The following ZMYND11 variants were observed in gnomAD, a reference collection of about 807,000 sequenced individuals.
ZMYND11 encodes zinc finger MYND-type containing 11.
A neutral mutation model predicts 84.9 loss-of-function variants in ZMYND11; 9 were observed. The ratio of observed to expected loss-of-function variants is 0.11; its 90% CI spans 0.06 to 0.18. The LOEUF is 0.18. Among genes scored for constraint, ZMYND11 ranks in the 10% least tolerant of loss-of-function variants. ZMYND11 has a pLI of 1.00. For missense variants in ZMYND11, 409 were observed against 761.0 expected, an observed-to-expected ratio of 0.54 and a Z score of 5.44; for synonymous variants, 250 against 244.1, an observed-to-expected ratio of 1.02 and a Z score of -0.23.
Position 246,917 on chromosome 10 carries a change from G to A in ZMYND11, c.1102G>A (p.Glu368Lys). 2 of 1,613,038 alleles carry A rather than the reference G, an allele frequency of 1.2e-6. No homozygotes were observed. The highest frequency in any genetic ancestry group is 1.7e-6 in the Non-Finnish European group (2 of 1,179,618). The change falls in exon 11 of 15, where the codon GAG (glutamate) becomes AAG (lysine). Residue 368 changes from glutamate (E) to lysine (K), a missense_variant. Physicochemically the swap from Glu to Lys is moderately conservative, Grantham distance 56. Coordinates refer to ENST00000381604, the MANE Select transcript of ZMYND11 (RefSeq NM_001370100.5). ...AGGGAGATTTTGGAAATCTAAGAAT[G>A]AGGACCGAGGTGAGGAAGAGGCAGA... ...REGRFWKSKN[E>K]DRGEEEAESS... is the part of the protein sequence containing the mutation.
At chr10:148,087 C>G (rs1554755887) in intron 1 of ZMYND11, 3 of 152,386 alleles carry the variant, frequency 2.0e-5, no homozygotes, top group African/African-American at 7.2e-5. Context: ...CTCTTTATCC[C>G]TGGTGTTTAT....
intron 1 of ZMYND11, among the ~76,000 whole-genome samples, chr10:151,398 A>G (rs1243055962): frequency 2.0e-5 from 3 of 152,244 alleles, no homozygotes; most frequent in South Asian, 2.1e-4. Flanking sequence ...AAACCATCGC[A>G]TGAGAACTAC....
intron 2 of ZMYND11, among the ~76,000 whole-genome samples, chr10:183,531 A>G (rs908369915): frequency 3.3e-5 from 5 of 152,110 alleles, no homozygotes; most frequent in African/African-American, 1.2e-4. Context: ...CATCCAATCT[A>G]TCTTTCCTTT....
intron 8 of ZMYND11, among the ~76,000 whole-genome samples, 158 bp from the exon 9 acceptor site, chr10:240,735 C>G (rs188767474): frequency 2.0e-5 from 3 of 151,998 alleles, no homozygotes; most frequent in Admixed American, 2.0e-4. Context: ...TCTTCCAGTA[C>G]CATTTATTGA....
chr10:231,713 GC>G (rs1485365584), intron 4 of ZMYND11, among the ~76,000 whole-genome samples: 1 of 152,192 alleles, frequency 6.6e-6, no homozygotes, highest in Admixed American at 6.5e-5. Context: ...ATTCAGTGTA[GC>G]CTGGCAGTTA....
At chr10:240,736 C>T (rs2131765548) in intron 8 of ZMYND11, among the ~76,000 whole-genome samples, 157 bp from the exon 9 acceptor site, 1 of 152,230 alleles carries the variant, frequency 6.6e-6, no homozygotes, top group East Asian at 1.9e-4. Context: ...CTTCCAGTAC[C>T]ATTTATTGAA....
intron 3 of ZMYND11, among the ~76,000 whole-genome samples, chr10:220,064 T>C (rs1213663306): frequency 6.6e-6 from 1 of 152,172 alleles, no homozygotes; most frequent in Non-Finnish European, 1.5e-5. Context: ...TTGAACCTAG[T>C]TTCCAAAGAA....
intron 1 of ZMYND11, among the ~76,000 whole-genome samples, chr10:158,991 G>GTTTTTTTTTTTTTTTTT (rs71374342): frequency 3.4e-5 from 2 of 58,608 alleles, no homozygotes; most frequent in African/African-American, 1.1e-4. Flanking sequence ...TTTGTTTTTT[G>GTTTTTTTTTTTTTTTTT]TTTTTTTTTT....
upstream of ZMYND11, among the ~76,000 whole-genome samples, chr10:133,453 A>G (rs1554750466): frequency 1.3e-5 from 2 of 152,214 alleles, no homozygotes. Context: ...TAAGTTATCT[A>G]ACTTACATTA....
intron 1 of ZMYND11, among the ~76,000 whole-genome samples, chr10:163,708 T>C (rs1843405571): frequency 1.3e-5 from 2 of 152,142 alleles, no homozygotes; most frequent in Non-Finnish European, 2.9e-5. Flanking sequence ...TTGCCTGATG[T>C]GTCCTCTTTC....
upstream of ZMYND11, among the ~76,000 whole-genome samples, chr10:130,121 G>A (rs1835283784): frequency 6.6e-6 from 1 of 152,172 alleles, no homozygotes; most frequent in African/African-American, 2.4e-5. Flanking sequence ...GTGGCTGCTG[G>A]AACTGCAGTT....
At chr10:170,357 TAAA>T (rs1249563415) in intron 1 of ZMYND11, among the ~76,000 whole-genome samples, 1 of 151,918 alleles carries the variant, frequency 6.6e-6, no homozygotes, top group African/African-American at 2.4e-5. Flanking sequence ...AAATGTAAAA[TAAA>T]AATTTTTTCT....
At chr10:249,342 CAATTAACTTATAT>C (rs1266645907) in intron 14 of ZMYND11, 1 of 1,227,208 alleles carries the variant, frequency 8.1e-7, no homozygotes, top group African/African-American at 1.5e-5. Flanking sequence ...ATATTTATTA[CAATTAACTTATAT>C]AATTTCTCCA....
rs74905017 is a variant in ZMYND11, at chr10:154,299, G to A, written c.-20+18740G>A. On this transcript the variant is annotated intron_variant, in intron 1 of 14. Coordinates refer to ENST00000381604, the MANE Select transcript of ZMYND11 (RefSeq NM_001370100.5). ...CTCGTCTAATACATACACATGTATG[G>A]TGTTATAGTGTCTCTGTAAGGCACA... 8.8e-3 allele frequency among the ~76,000 whole-genome samples: 1,335 copies of A among 152,270 alleles called. 11 individuals are homozygous for A. The highest frequency in any genetic ancestry group is 0.014 in the Non-Finnish European group (970 of 68,030).
At chr10:209,178 A>G (rs1944727445) in intron 2 of ZMYND11, among the ~76,000 whole-genome samples, 1 of 152,160 alleles carries the variant, frequency 6.6e-6, no homozygotes, top group African/African-American at 2.4e-5. Flanking sequence ...GAATATTAAC[A>G]TGAGTTGAAT....
At chr10:212,145 C>CT (rs1564391001) in intron 3 of ZMYND11, among the ~76,000 whole-genome samples, 1 of 152,026 alleles carries the variant, frequency 6.6e-6, no homozygotes, top group Non-Finnish European at 1.5e-5. Context: ...TAGATTGGTA[C>CT]TTTCCTATAT....
At chr10:189,819 G>A (rs1231518393) in intron 2 of ZMYND11, among the ~76,000 whole-genome samples, 1 of 152,220 alleles carries the variant, frequency 6.6e-6, no homozygotes, top group Non-Finnish European at 1.5e-5. Flanking sequence ...GAGTCTATCA[G>A]TTTACAACAC....
At chr10:226,738 C>A (rs1377011792) in intron 4 of ZMYND11, among the ~76,000 whole-genome samples, 1 of 152,174 alleles carries the variant, frequency 6.6e-6, no homozygotes, top group Non-Finnish European at 1.5e-5. Flanking sequence ...TACCGCTCCA[C>A]TGAAATCCCT....
chr10:185,796 C>A (rs1330986430), intron 2 of ZMYND11, among the ~76,000 whole-genome samples: 2 of 118,338 alleles, frequency 1.7e-5, no homozygotes, highest in Non-Finnish European at 3.3e-5. Context: ...GCCTGGTCAA[C>A]GAGTGAAACT....
Sources: allele counts gnomAD v4.1 joint callset (sites outside exome capture counted in the v4.1 genomes callset), GRCh38; gene constraint gnomAD v4.1.1; transcripts MANE v1.5; gene names NCBI Gene and HGNC (gene_info 2026-07-23, HGNC 2026-07-21).